Variants in ATXN1 observed in about 807,000 individuals in gnomAD.
The protein encoded by ATXN1 is ataxin-1.
Under a neutral mutation model 56.4 loss-of-function variants are expected in ATXN1, and 8 were observed. That is an observed-to-expected ratio of 0.14 (90% CI 0.08 to 0.26). The LOEUF (loss-of-function observed/expected upper bound fraction) is 0.26. ATXN1 is among the 10% of genes least tolerant of loss of function. The pLI is 1.00. For synonymous variants in ATXN1, 514 were observed against 494.6 expected (o/e 1.04, Z -0.52); for missense variants, 987 against 1,106.5 (o/e 0.89, Z 1.53).
In ATXN1 at chr6:16,740,653, T is replaced by C. The variant is rs547739698; in HGVS notation, c.-615+12580A>G. ...ATCATTCTCTGTTTATCCATCAAGTTTAGGCTCCGGCACTATAAAAACATC... is the reference window on the plus strand; with the variant it reads ...ATCATTCTCTGTTTATCCATCAAGTCTAGGCTCCGGCACTATAAAAACATC... On this transcript the variant is annotated intron_variant, in intron 2 of 7. Coordinates refer to ENST00000436367, the MANE Select transcript of ATXN1 (RefSeq NM_001128164.2). 1.4e-4 allele frequency among the ~76,000 whole-genome samples: 21 copies of C among 152,342 alleles called. No homozygotes were observed. The South Asian group carries it at 4.3e-3, about 32-fold the overall frequency.
intron 6 of ATXN1, among the ~76,000 whole-genome samples, chr6:16,365,259 C>T (rs575494911): frequency 5.9e-4 from 90 of 152,262 alleles, no homozygotes; most frequent in African/African-American, 2.1e-3. Flanking sequence ...TTACTGCAAC[C>T]TCTGCCTCCC....
chr6:16,321,242 C>T (rs1432726739), intron 7 of ATXN1, among the ~76,000 whole-genome samples: 4 of 152,218 alleles, frequency 2.6e-5, no homozygotes, highest in East Asian at 3.8e-4. Context: ...TTGATGCTAT[C>T]GCCTCGGGGG....
At chr6:16,665,548 G>A (rs953447859) in intron 2 of ATXN1, among the ~76,000 whole-genome samples, 1 of 151,920 alleles carries the variant, frequency 6.6e-6, no homozygotes, top group Non-Finnish European at 1.5e-5. Flanking sequence ...GTCTTGGGTG[G>A]GGGTGGGGGG....
At chr6:16,437,699 A>T (rs1294749540) in intron 6 of ATXN1, among the ~76,000 whole-genome samples, 1 of 152,228 alleles carries the variant, frequency 6.6e-6, no homozygotes, top group Non-Finnish European at 1.5e-5. Context: ...ATTAACTTAC[A>T]AATTATTGGT....
intron 6 of ATXN1, among the ~76,000 whole-genome samples, chr6:16,476,821 C>T (rs1185310268): frequency 1.3e-5 from 2 of 152,172 alleles, no homozygotes; most frequent in African/African-American, 4.8e-5. Context: ...ACTACCAGCC[C>T]TTATTTCAGC....
chr6:16,688,294 C>T (rs931525840), intron 2 of ATXN1, among the ~76,000 whole-genome samples: 3 of 152,098 alleles, frequency 2.0e-5, no homozygotes, highest in Non-Finnish European at 4.4e-5. Flanking sequence ...TTGGGGTCTC[C>T]CATGCTTATG....
chr6:16,435,175 T>C (rs1759363736), intron 6 of ATXN1, among the ~76,000 whole-genome samples: 1 of 152,108 alleles, frequency 6.6e-6, no homozygotes, highest in South Asian at 2.1e-4. Flanking sequence ...ATGGTGATTG[T>C]TATAACTTTG....
At chr6:16,318,032 A>G (rs921879124) in intron 7 of ATXN1, among the ~76,000 whole-genome samples, 2 of 152,242 alleles carry the variant, frequency 1.3e-5, no homozygotes, top group Admixed American at 6.5e-5. Context: ...CACTTAGTCA[A>G]TAACTACTAT....
chr6:16,510,305 G>A (rs995636581), intron 5 of ATXN1, among the ~76,000 whole-genome samples: 2 of 152,136 alleles, frequency 1.3e-5, no homozygotes, highest in African/African-American at 2.4e-5. Flanking sequence ...ATTCCCAGGG[G>A]ATTCCGACCC....
chr6:16,755,211 T>C (rs1485130913), intron 1 of ATXN1, among the ~76,000 whole-genome samples: 1 of 152,244 alleles, frequency 6.6e-6, no homozygotes, highest in Non-Finnish European at 1.5e-5. Flanking sequence ...TGCATGAGTA[T>C]GCTTTCTTAT....
chr6:16,311,670 C>T (rs1760394045), intron 7 of ATXN1, among the ~76,000 whole-genome samples: 1 of 152,194 alleles, frequency 6.6e-6, no homozygotes, highest in African/African-American at 2.4e-5. Context: ...TGGGGATACC[C>T]ACTGTATTCT....
At chr6:16,448,193 C>T (rs139667378) in intron 6 of ATXN1, among the ~76,000 whole-genome samples, 29 of 152,304 alleles carry the variant, frequency 1.9e-4, no homozygotes, top group African/African-American at 6.3e-4. Context: ...ATGTTCTGCT[C>T]CAGCATAGTG....
intron 2 of ATXN1, among the ~76,000 whole-genome samples, chr6:16,690,766 T>C (rs1759027556): frequency 6.6e-6 from 1 of 152,092 alleles, no homozygotes; most frequent in Non-Finnish European, 1.5e-5. Context: ...GAGCCACAGT[T>C]ACCCAACCAG....
intron 3 of ATXN1, among the ~76,000 whole-genome samples, chr6:16,598,994 T>G (rs1762866543): frequency 6.6e-6 from 1 of 152,210 alleles, no homozygotes; most frequent in Non-Finnish European, 1.5e-5. Context: ...CAGATGAGGC[T>G]ATGGCCAGAT....
chr6:16,440,589 C>A (rs185405850), intron 6 of ATXN1, among the ~76,000 whole-genome samples: 9 of 141,354 alleles, frequency 6.4e-5, no homozygotes, highest in Non-Finnish European at 9.0e-5. Context: ...TGCAGTGAGC[C>A]AAAATAGCAC....
chr6:16,567,010 T>C (rs1762243446), intron 4 of ATXN1, among the ~76,000 whole-genome samples: 1 of 152,248 alleles, frequency 6.6e-6, no homozygotes, highest in Admixed American at 6.5e-5. Flanking sequence ...TATTTAATTA[T>C]AATGCCTCAC....
intron 2 of ATXN1, among the ~76,000 whole-genome samples, chr6:16,683,655 AT>A (rs1758858855): frequency 6.6e-6 from 1 of 152,216 alleles, no homozygotes; most frequent in Admixed American, 6.5e-5. Context: ...AACCTTTCAT[AT>A]GAGTCCTTAA....
intron 3 of ATXN1, among the ~76,000 whole-genome samples, chr6:16,641,016 A>G (rs1194052831): frequency 6.6e-6 from 1 of 152,244 alleles, no homozygotes; most frequent in Non-Finnish European, 1.5e-5. Flanking sequence ...TGAATAGAAA[A>G]GCAAACCAGC....
At chr6:16,482,917 T>G (rs760851382) in intron 6 of ATXN1, among the ~76,000 whole-genome samples, 11 of 152,222 alleles carry the variant, frequency 7.2e-5, no homozygotes, top group Non-Finnish European at 1.6e-4. Context: ...TGGCCTCATC[T>G]AAGGCTGATA....
Sources: allele counts gnomAD v4.1 joint callset (sites outside exome capture counted in the v4.1 genomes callset), GRCh38; gene constraint gnomAD v4.1.1; transcripts MANE v1.5; gene names NCBI Gene and HGNC (gene_info 2026-07-23, HGNC 2026-07-21).